MTERF3: variants seen among roughly 807,000 people sequenced by gnomAD.
MTERF3 encodes the protein mitochondrial transcription termination factor 3, also known as transcription termination factor 3, mitochondrial.
Under a neutral mutation model 40.5 loss-of-function variants are expected in MTERF3, and 40 were observed. The ratio of observed to expected loss-of-function variants is 0.99; its 90% CI spans 0.77 to 1.29. The LOEUF is 1.29. Ranked by LOEUF, MTERF3 falls within the 50% of genes most tolerant of loss-of-function variation. The pLI is 0.00. For missense variants in MTERF3, 452 were observed against 478.2 expected, an observed-to-expected ratio of 0.95 and a Z score of 0.51; for synonymous variants, 158 against 166.6, an observed-to-expected ratio of 0.95 and a Z score of 0.40.
chr8:96,252,896 T>C (rs1438635850), intron 3 of MTERF3, among the ~76,000 whole-genome samples: 1 of 152,230 alleles, frequency 6.6e-6, no homozygotes, highest in African/African-American at 2.4e-5. Context: ...TCATCAGGAA[T>C]GCACACTGCT....
intron 4 of MTERF3, among the ~76,000 whole-genome samples, chr8:96,249,345 C>G (rs1810081651): frequency 6.6e-6 from 1 of 152,118 alleles, no homozygotes. Context: ...TGGAATAAAT[C>G]TTGAGCAAAA....
chr8:96,250,681 A>AAGAAGAAGAAGGAGG (rs1195195158), intron 4 of MTERF3, among the ~76,000 whole-genome samples: 2 of 23,284 alleles, frequency 8.6e-5, no homozygotes, highest in Admixed American at 3.7e-4. Context: ...GAAGAAGAAG[A>AAGAAGAAGAAGGAGG]AGGAGGAGGA....
intron 4 of MTERF3, among the ~76,000 whole-genome samples, chr8:96,250,433 G>T (rs1398945284): frequency 6.8e-6 from 1 of 147,814 alleles, no homozygotes; most frequent in East Asian, 2.0e-4. Flanking sequence ...AATGGAGCCA[G>T]GCAGGGTGGC....
At chr8:96,250,674 GAAGAAGA>G (rs1810154777) in intron 4 of MTERF3, among the ~76,000 whole-genome samples, 6 of 47,122 alleles carry the variant, frequency 1.3e-4, no homozygotes, top group African/African-American at 4.1e-4. Context: ...AGAAGAAGAA[GAAGAAGA>G]AGGAGGAGGA....
In MTERF3 at chr8:96,251,039, G is replaced by A. The variant is rs775383487; in HGVS notation, c.544C>T (p.Leu182=). The A allele has an allele frequency of 6.2e-7, 1 of 1,602,014 alleles. No individual in the cohort carries two copies. Among genetic ancestry groups the A allele is most frequent in the Non-Finnish European group, 8.5e-7 (1 of 1,176,854 alleles). ...TGCTTAATGTCTTTTTCAAAATCCA[G>A]TCTCAGAAGGAGGTTTGCTGCTTCT... ...HPEAANLLLR[L]DFEKDIKQML... is the part of the protein sequence containing the mutation. Residue 182 remains leucine (L), a synonymous_variant, in exon 4 of 8, where the codon CTG becomes TTG. Transcript: ENST00000287025.
chr8:96,256,043 C>G (rs189285356), intron 3 of MTERF3, among the ~76,000 whole-genome samples: 1 of 152,274 alleles, frequency 6.6e-6, no homozygotes, highest in Admixed American at 6.5e-5. Context: ...CAGTTCCTCT[C>G]AATGCACTAG....
At position 96,239,646 on chromosome 8, in the gene MTERF3, A is replaced by G. The variant is rs1809883834; in HGVS notation, c.1099T>C (p.Leu367=). ...TRLFKVKERH[L]FLTYLGRAQY... is the part of the protein sequence containing the mutation. The stretch of plus-strand genomic sequence containing the variant: ...GCTCTTCCTAAATAGGTAAGAAACA[A>G]GTGTCTTTCTTTGACCTTAAACAGC... The change falls in exon 8 of 8, where the codon TTG becomes CTG. Residue 367 remains leucine (L), a synonymous_variant. Transcript: ENST00000287025. The G allele has an allele frequency of 6.2e-7, 1 of 1,602,414 alleles. No homozygotes were observed. Among genetic ancestry groups the G allele is most frequent in the Non-Finnish European group, 8.5e-7 (1 of 1,177,446 alleles).
rs544900406 is a variant in MTERF3 at position 96,253,025 on chromosome 8, C to T, written c.488-1930G>A. Among the ~76,000 whole-genome samples the T allele has an allele frequency of 5.6e-4, 86 of 152,264 alleles. 1 individual carries two copies. Among genetic ancestry groups the T allele is most frequent in the African/African-American group, 1.7e-3 (71 of 41,560 alleles). On this transcript the variant is annotated intron_variant, in intron 3 of 7. Coordinates refer to ENST00000287025, the MANE Select transcript of MTERF3 (RefSeq NM_015942.5). The stretch of plus-strand genomic sequence containing the variant: ...GGGGTTATAAAAAAAGAATAATACA[C>T]GATTCTAACCTCTAGGTGACCAGTC...
intron 3 of MTERF3, among the ~76,000 whole-genome samples, chr8:96,255,337 A>C (rs950099136): frequency 6.6e-6 from 1 of 152,146 alleles, no homozygotes; most frequent in Non-Finnish European, 1.5e-5. Flanking sequence ...AGGGGACAAA[A>C]GCAATAAGAA....
chr8:96,251,184 G>C, intron 3 of MTERF3, 89 bp from the exon 4 acceptor site: 1 of 1,000,546 alleles, frequency 1.0e-6, no homozygotes, highest in Non-Finnish European at 1.4e-6. Context: ...TACTGATGGA[G>C]ATCAACACCT....
Position 96,247,842 on chromosome 8 carries a change from C to G in MTERF3, c.678-1388G>C, listed in dbSNP as rs530340116. On this transcript the variant is annotated intron_variant, in intron 4 of 7. Coordinates refer to ENST00000287025, the MANE Select transcript of MTERF3 (RefSeq NM_015942.5). The stretch of plus-strand genomic sequence containing the variant: ...TAGGAAAAATATCTGCAACATGTCT[C>G]AGAGACAGAACTAATTTTCTTCATA... Among the ~76,000 whole-genome samples, 307 of 152,138 alleles carry G rather than the reference C, an allele frequency of 2.0e-3. 1 individual carries two copies. The highest frequency in any genetic ancestry group is 7.3e-3 in the African/African-American group (302 of 41,514).
At chr8:96,245,541 CAA>C (rs1321952426) in intron 6 of MTERF3, among the ~76,000 whole-genome samples, 2 of 152,200 alleles carry the variant, frequency 1.3e-5, no homozygotes, top group Non-Finnish European at 2.9e-5. Context: ...GCCCAGGTAA[CAA>C]AGACGTCAGA....
chr8:96,260,622 C>T (rs1238373252), intron 1 of MTERF3, among the ~76,000 whole-genome samples: 1 of 152,244 alleles, frequency 6.6e-6, no homozygotes, highest in Non-Finnish European at 1.5e-5. Flanking sequence ...AGCCTTTCCA[C>T]ACTCAATACC....
At position 96,261,545 on chromosome 8, in the gene MTERF3, C is replaced by T. The variant is rs1177785845; in HGVS notation, c.-55G>A. On this transcript the variant is annotated 5_prime_UTR_variant, in exon 1 of 8. Coordinates refer to ENST00000287025, the MANE Select transcript of MTERF3 (RefSeq NM_015942.5). ...CCGTAGCGGGTGACCCCGGGACCGA[C>T]CAACTCGCTGGGCCGCACGTCCCGT... is the stretch of plus-strand genomic sequence containing the variant. 6.5e-6 allele frequency: 1 copy of T among 154,522 alleles called. No homozygotes were observed. Among genetic ancestry groups the T allele is most frequent in the Non-Finnish European group, 1.4e-5 (1 of 69,474 alleles). The allele number at this position is 154,522 out of a possible 1,614,324, so 9.6% of individuals were successfully genotyped here. A position where few individuals can be genotyped will look rare whatever the true frequency, so the allele number is the denominator to read the frequency against.
chr8:96,256,158 A>C (rs1478351119), intron 3 of MTERF3, among the ~76,000 whole-genome samples: 1 of 152,222 alleles, frequency 6.6e-6, no homozygotes, highest in African/African-American at 2.4e-5. Flanking sequence ...TAAAAATAAG[A>C]TGACTAAATG....
At chr8:96,240,816 CCT>C (rs1809913862) in intron 7 of MTERF3, among the ~76,000 whole-genome samples, 1 of 151,738 alleles carries the variant, frequency 6.6e-6, no homozygotes, top group Non-Finnish European at 1.5e-5. Context: ...AACCCCTAGG[CCT>C]CTTTCCCTAT....
intron 3 of MTERF3, among the ~76,000 whole-genome samples, chr8:96,254,899 G>A (rs1363752553): frequency 6.6e-6 from 1 of 152,208 alleles, no homozygotes; most frequent in African/African-American, 2.4e-5. Context: ...GGAGTGAAAT[G>A]AGAGCCTGAA....
At chr8:96,261,291 A>G (rs1311059414) in intron 1 of MTERF3, among the ~76,000 whole-genome samples, 1 of 152,204 alleles carries the variant, frequency 6.6e-6, no homozygotes, top group East Asian at 1.9e-4. Context: ...CCCCCTCCTG[A>G]GGCTTCTCAC....
At chr8:96,260,842 G>A (rs1488862833) in intron 1 of MTERF3, among the ~76,000 whole-genome samples, 1 of 152,180 alleles carries the variant, frequency 6.6e-6, no homozygotes, top group Non-Finnish European at 1.5e-5. Context: ...TCCTTCCGGG[G>A]ACTATTCTCC....
Sources: allele counts gnomAD v4.1 joint callset (sites outside exome capture counted in the v4.1 genomes callset), GRCh38; gene constraint gnomAD v4.1.1; transcripts MANE v1.5; gene names NCBI Gene and HGNC (gene_info 2026-07-23, HGNC 2026-07-21).